Variants in EFNA2 observed in about 807,000 individuals in gnomAD.
EFNA2 encodes the protein ephrin A2.
EFNA2 carries 18 observed loss-of-function variants against 19.7 expected under a neutral mutation model. The ratio of observed to expected loss-of-function variants is 0.91; its 90% CI spans 0.63 to 1.35. The LOEUF is 1.35. Among genes scored for constraint, EFNA2 ranks in the 40% most tolerant of loss-of-function variants. EFNA2 has a pLI of 0.00. For synonymous variants in EFNA2, 187 were observed against 137.8 expected, an observed-to-expected ratio of 1.36 and a Z score of -2.50; for missense variants, 303 against 296.0, an observed-to-expected ratio of 1.02 and a Z score of -0.17.
intron 1 of EFNA2, among the ~76,000 whole-genome samples, chr19:1,292,203 C>T (rs1007384183): frequency 5.3e-5 from 8 of 152,224 alleles, no homozygotes; most frequent in East Asian, 1.9e-4. Flanking sequence ...GCGCCCACCT[C>T]GGGCTTGCCC....
rs28678336 is a variant in EFNA2, at chr19:1,294,820, G to A, written c.141-725G>A. On this transcript the variant is annotated intron_variant, in intron 1 of 3. Transcript: ENST00000215368. This position sits in a 1 kb window ranked among gnomAD's most constrained non-coding sequence, Gnocchi z 5.8. The stretch of plus-strand genomic sequence containing the variant: ...GGAATGCCCGACCTGTGTCCCCCAC[G>A]CTGCCCCGGTCCTTCTCAACAGGTG... Among the ~76,000 whole-genome samples, 27,814 of 151,666 alleles carry A rather than the reference G, an allele frequency of 0.18. 3,061 individuals are homozygous for A. The highest frequency in any genetic ancestry group is 0.3 in the African/African-American group (12,583 of 41,282).
chr19:1,295,900 G>T lies in EFNA2; in HGVS notation c.454+42G>T. The T allele has an allele frequency of 6.6e-7, 1 of 1,517,698 alleles. No homozygotes were observed. Among genetic ancestry groups the T allele is most frequent in the East Asian group, 2.5e-5 (1 of 39,258 alleles). 94.0% of individuals were successfully genotyped at this position (1,517,698 alleles called of 1,614,324 possible). On this transcript the variant is annotated intron_variant, in intron 2 of 3. Transcript: ENST00000215368. The surrounding 1 kb of genome is among the most constrained non-coding windows in gnomAD (Gnocchi z 5.8). ...CGGGGCTGCCGGGGCCCGAGTGGGC[G>T]GGGACGCGGGGGCGGGGCCAGGAAG...
Position 1,287,384 on chromosome 19 carries a change from C to A in EFNA2, c.140+1076C>A, listed in dbSNP as rs2081470279. 6.6e-6 allele frequency among the ~76,000 whole-genome samples: 1 copy of A among 152,192 alleles called. No individual in the cohort carries two copies. Among genetic ancestry groups the A allele is most frequent in the Non-Finnish European group, 1.5e-5 (1 of 67,998 alleles). ...TGCACATCGGGGGCTGAGGCGGCCC[C>A]CCCCCACTCTTCTGCTACTGGTCAC... On this transcript the variant is annotated intron_variant, in intron 1 of 3. Coordinates refer to ENST00000215368, the MANE Select transcript of EFNA2 (RefSeq NM_001405.4). This position sits in a 1 kb window ranked among gnomAD's most constrained non-coding sequence, Gnocchi z 6.2.
rs2081520245 is a variant in EFNA2 at position 1,297,307 on chromosome 19, A to G, written c.455-1244A>G. 7.9e-5 allele frequency among the ~76,000 whole-genome samples: 12 copies of G among 152,238 alleles called. No individual in the cohort carries two copies. In the South Asian group the frequency reaches 2.5e-3, roughly 32 times the overall value. ...GCTCTAGTTGGATTTTTCCCTTTTA[A>G]TTCAGGGAAGAAGCGGGTGGGGGAC... On this transcript the variant is annotated intron_variant, in intron 2 of 3. Coordinates refer to ENST00000215368, the MANE Select transcript of EFNA2 (RefSeq NM_001405.4). This position sits in a 1 kb window ranked among gnomAD's most constrained non-coding sequence, Gnocchi z 5.0.
chr19:1,299,915 C>A lies in EFNA2; in HGVS notation c.612C>A (p.Ile204=). 2 of 1,604,866 alleles carry A rather than the reference C, an allele frequency of 1.2e-6. No homozygotes were observed. The highest frequency in any genetic ancestry group is 1.7e-6 in the Non-Finnish European group (2 of 1,179,036). Residue 204 remains isoleucine, a synonymous_variant, in exon 4 of 4, where the codon ATC becomes ATA. Transcript: ENST00000215368. ...PGGCRLFLST[I]PVLWTLLGS is the part of the protein sequence containing the mutation. ...GCTGCCGCCTCTTCCTCAGCACCAT[C>A]CCCGTGCTCTGGACCCTCCTGGGTT...
rs980717348 is a variant in EFNA2 at position 1,295,465 on chromosome 19, C to T, written c.141-80C>T. On this transcript the variant is annotated intron_variant, in intron 1 of 3. Coordinates refer to ENST00000215368, the MANE Select transcript of EFNA2 (RefSeq NM_001405.4). The surrounding 1 kb of genome is among the most constrained non-coding windows in gnomAD (Gnocchi z 5.8). ...CGTCCCTCGTGCTCCTGTCCCCTGA[C>T]CCTGGCCCTCCCCGCGCACCCCGAC... 18 of 1,391,102 alleles carry T rather than the reference C, an allele frequency of 1.3e-5. No homozygotes were observed. The African/African-American group carries it at 2.4e-4, about 19-fold the overall frequency. The allele number at this position is 1,391,102 out of a possible 1,614,324, so 86.2% of individuals were successfully genotyped here. A position where few individuals can be genotyped will look rare whatever the true frequency, so the allele number is the denominator to read the frequency against.
chr19:1,293,998 G>T (rs1334536354), intron 1 of EFNA2, among the ~76,000 whole-genome samples: 1 of 152,238 alleles, frequency 6.6e-6, no homozygotes, highest in African/African-American at 2.4e-5. Flanking sequence ...GGGGCCTGCG[G>T]CGGGCTCACC....
rs3833280 is a variant in EFNA2 at position 1,300,154 on chromosome 19, C to CG, written c.*211dup. The CG allele has an allele frequency of 2.8e-4, 171 of 614,820 alleles. 1 individual carries two copies. In the African/African-American group the frequency reaches 3.2e-3, roughly 12 times the overall value. 38.1% of individuals were successfully genotyped at this position (614,820 alleles called of 1,614,324 possible). On this transcript the variant is annotated 3_prime_UTR_variant, in exon 4 of 4. Coordinates refer to ENST00000215368, the MANE Select transcript of EFNA2 (RefSeq NM_001405.4). ...GGGGAAACGGCCGAGAGCCCCCCCC[C>CG]GGAGGCCCGAGGGGCCGGGGTGTGG...
upstream of EFNA2, among the ~76,000 whole-genome samples, chr19:1,285,597 G>T (rs979519181): frequency 5.9e-5 from 9 of 152,078 alleles, no homozygotes; most frequent in Non-Finnish European, 8.8e-5. This position sits in a 1 kb window ranked among gnomAD's most constrained non-coding sequence, Gnocchi z 4.1. Flanking sequence ...TGAGAGGCCC[G>T]GGACCCAGGG....
chr19:1,292,195 G>A (rs568406102), intron 1 of EFNA2, among the ~76,000 whole-genome samples: 2 of 152,316 alleles, frequency 1.3e-5, no homozygotes, highest in East Asian at 1.9e-4. Flanking sequence ...GGGGCAACGC[G>A]CCCACCTCGG....
At position 1,295,772 on chromosome 19, in the gene EFNA2, C is replaced by A; in HGVS notation, c.368C>A (p.Pro123Gln). 1 of 1,605,540 alleles carries A rather than the reference C, an allele frequency of 6.2e-7. No homozygotes were observed. Among genetic ancestry groups the A allele is most frequent in the Non-Finnish European group, 8.5e-7 (1 of 1,177,362 alleles). Residue 123 changes from proline to glutamine, a missense_variant, in exon 2 of 4, where the codon CCG becomes CAG. Transcript: ENST00000215368. The surrounding 1 kb of genome is among the most constrained non-coding windows in gnomAD (Gnocchi z 5.8). ...ECNRPAAPGG[P>Q]LKFSEKFQLF... ...AACCGGCCCGCGGCGCCCGGGGGGCCGCTCAAGTTCTCGGAGAAGTTCCAG... is the reference window on the plus strand; with the variant it reads ...AACCGGCCCGCGGCGCCCGGGGGGCAGCTCAAGTTCTCGGAGAAGTTCCAG...
rs2085815794 is a variant in EFNA2 at position 1,286,489 on chromosome 19, G to T, written c.140+181G>T. ...CGGCCCCCCGGAGTTTGGGGGACTCGCCCTTTTCGCGCCTGCCTTCCCCGG... is the reference window on the plus strand; with the variant it reads ...CGGCCCCCCGGAGTTTGGGGGACTCTCCCTTTTCGCGCCTGCCTTCCCCGG... On this transcript the variant is annotated intron_variant, in intron 1 of 3. Coordinates refer to ENST00000215368, the MANE Select transcript of EFNA2 (RefSeq NM_001405.4). This position sits in a 1 kb window ranked among gnomAD's most constrained non-coding sequence, Gnocchi z 5.6. 6.6e-6 allele frequency among the ~76,000 whole-genome samples: 1 copy of T among 151,382 alleles called. No individual in the cohort carries two copies. Among genetic ancestry groups the T allele is most frequent in the Admixed American group, 6.6e-5 (1 of 15,124 alleles).
chr19:1,290,784 G>A (rs2081487683), intron 1 of EFNA2, among the ~76,000 whole-genome samples: 1 of 152,188 alleles, frequency 6.6e-6, no homozygotes, highest in Admixed American at 6.5e-5. Flanking sequence ...TCCCGTCCCT[G>A]TGCCCACCGT....
rs1416750236 is a variant in EFNA2 at position 1,295,374 on chromosome 19, C to G, written c.141-171C>G. The stretch of plus-strand genomic sequence containing the variant: ...CCATGCACCTGTCCCCTGACCCTGT[C>G]CCCCCTGGCGCACCCTGACCCGTCC... On this transcript the variant is annotated intron_variant, in intron 1 of 3. Transcript: ENST00000215368. This position sits in a 1 kb window ranked among gnomAD's most constrained non-coding sequence, Gnocchi z 5.8. Among the ~76,000 whole-genome samples the G allele has an allele frequency of 6.6e-6, 1 of 151,148 alleles. No homozygotes were observed. Among genetic ancestry groups the G allele is most frequent in the African/African-American group, 2.4e-5 (1 of 41,060 alleles).
rs140503724 is a variant in EFNA2 at position 1,286,753 on chromosome 19, G to A, written c.140+445G>A. Reference sequence around the variant, plus strand: ...CCGGAGGTGGGGGACTGTGGCCCTCGAGGGATCTCTGGGTTCGTCCTGCCC... The same window carrying A: ...CCGGAGGTGGGGGACTGTGGCCCTCAAGGGATCTCTGGGTTCGTCCTGCCC... On this transcript the variant is annotated intron_variant, in intron 1 of 3. Coordinates refer to ENST00000215368, the MANE Select transcript of EFNA2 (RefSeq NM_001405.4). This position sits in a 1 kb window ranked among gnomAD's most constrained non-coding sequence, Gnocchi z 5.6. Among the ~76,000 whole-genome samples the A allele has an allele frequency of 2.7e-3, 411 of 152,306 alleles. No homozygotes were observed. The highest frequency in any genetic ancestry group is 4.4e-3 in the Non-Finnish European group (296 of 67,992).
intron 1 of EFNA2, among the ~76,000 whole-genome samples, chr19:1,292,241 C>T (rs998145329): frequency 6.6e-6 from 1 of 152,248 alleles, no homozygotes; most frequent in Non-Finnish European, 1.5e-5. Flanking sequence ...AATGCCAACA[C>T]AGCAAGGCCG....
intron 1 of EFNA2, among the ~76,000 whole-genome samples, chr19:1,290,584 C>G (rs1427551987): frequency 6.6e-6 from 1 of 152,128 alleles, no homozygotes; most frequent in African/African-American, 2.4e-5. Flanking sequence ...AGCCGGTGGT[C>G]TCCTTGTCAT....
chr19:1,289,128 C>A (rs2081479925), intron 1 of EFNA2, among the ~76,000 whole-genome samples: 1 of 152,204 alleles, frequency 6.6e-6, no homozygotes, highest in Non-Finnish European at 1.5e-5. Flanking sequence ...CTGTGTGTGG[C>A]AGGAGGCTGC....
chr19:1,298,502 C>G (rs773057173), intron 2 of EFNA2, 49 bp from the exon 3 acceptor site: 24 of 1,597,980 alleles, frequency 1.5e-5, no homozygotes, highest in Non-Finnish European at 2.1e-5. Context: ...CAGGAGGTCT[C>G]AGGCACCAAG....
Sources: allele counts gnomAD v4.1 joint callset (sites outside exome capture counted in the v4.1 genomes callset), GRCh38; gene constraint gnomAD v4.1.1; non-coding constraint Gnocchi (gnomAD v3.1); transcripts MANE v1.5; gene names NCBI Gene and HGNC (gene_info 2026-07-23, HGNC 2026-07-21).